The following PPP3CA variants were observed in gnomAD, a reference collection of about 807,000 sequenced individuals.
PPP3CA encodes the protein protein phosphatase 3 catalytic subunit alpha, also known as CAM-PRP catalytic subunit.
In PPP3CA, 14 loss-of-function variants were observed where a neutral mutation model predicts 66.5. That is an observed-to-expected ratio of 0.21 (90% CI 0.14 to 0.33). PPP3CA has a LOEUF of 0.33. Among genes scored for constraint, PPP3CA ranks in the 10% least tolerant of loss-of-function variants. PPP3CA has a pLI of 1.00. For synonymous variants in PPP3CA, 232 were observed against 226.2 expected (o/e 1.03, Z -0.23); for missense variants, 317 against 639.5 (o/e 0.50, Z 5.44).
intron 1 of PPP3CA, among the ~76,000 whole-genome samples, chr4:101,346,196 AG>A (rs1302493831): frequency 6.7e-6 from 1 of 150,350 alleles, no homozygotes; most frequent in Admixed American, 6.6e-5. Context: ...GGGGAGGGGG[AG>A]GGGGAGGGGG....
chr4:101,173,371 T>C (rs1417244115), intron 2 of PPP3CA, among the ~76,000 whole-genome samples: 1 of 150,468 alleles, frequency 6.6e-6, no homozygotes, highest in African/African-American at 2.5e-5. Context: ...ATTTGAGTGC[T>C]AAGGAAAAAA....
At chr4:101,345,225 T>C (rs949128840) in intron 1 of PPP3CA, among the ~76,000 whole-genome samples, 1 of 152,164 alleles carries the variant, frequency 6.6e-6, no homozygotes, top group Non-Finnish European at 1.5e-5. Flanking sequence ...TATTTTGTTC[T>C]TTCTGAAAAA....
intron 2 of PPP3CA, among the ~76,000 whole-genome samples, chr4:101,172,324 T>A (rs991041020): frequency 2.6e-5 from 4 of 152,190 alleles, no homozygotes; most frequent in Admixed American, 1.3e-4. Context: ...ATTACTGGCT[T>A]CAGCTATTTC....
chr4:101,035,034 G>A (rs974402250), intron 11 of PPP3CA, among the ~76,000 whole-genome samples: 1 of 152,164 alleles, frequency 6.6e-6, no homozygotes, highest in South Asian at 2.1e-4. Flanking sequence ...GGGAGGCAGA[G>A]GTGGGCAGAT....
chr4:101,272,739 AG>A (rs1727373711), intron 1 of PPP3CA, among the ~76,000 whole-genome samples: 1 of 152,230 alleles, frequency 6.6e-6, no homozygotes, highest in Admixed American at 6.5e-5. Context: ...GCACAGAGTA[AG>A]GAAGTGTTTA....
chr4:101,149,836 T>G (rs1723082092), intron 2 of PPP3CA, among the ~76,000 whole-genome samples: 1 of 152,180 alleles, frequency 6.6e-6, no homozygotes, highest in South Asian at 2.1e-4. Flanking sequence ...ATTGACAGTC[T>G]GCAATGAGCA....
intron 5 of PPP3CA, among the ~76,000 whole-genome samples, chr4:101,095,148 T>C (rs952473549): frequency 1.2e-4 from 19 of 152,160 alleles, no homozygotes; most frequent in Admixed American, 2.0e-4. Flanking sequence ...AAAATATTCA[T>C]TGCAAACTTA....
intron 2 of PPP3CA, among the ~76,000 whole-genome samples, chr4:101,136,312 G>A (rs188919308): frequency 1.3e-5 from 2 of 152,190 alleles, no homozygotes; most frequent in African/African-American, 4.8e-5. Context: ...AGGCTGAGGT[G>A]GGTAGATCAC....
At chr4:101,315,052 T>G (rs770952844) in intron 1 of PPP3CA, among the ~76,000 whole-genome samples, 16 of 152,208 alleles carry the variant, frequency 1.1e-4, no homozygotes, top group Non-Finnish European at 2.1e-4. Context: ...ATGTTGAAAC[T>G]TAATACTCAA....
At chr4:101,128,288 A>C (rs1722311371) in intron 2 of PPP3CA, among the ~76,000 whole-genome samples, 1 of 152,192 alleles carries the variant, frequency 6.6e-6, no homozygotes, top group Non-Finnish European at 1.5e-5. Flanking sequence ...TCCCAACACA[A>C]AGAAATGATA....
At chr4:101,190,456 CG>C (rs1178752823) in intron 2 of PPP3CA, among the ~76,000 whole-genome samples, 67 of 152,100 alleles carry the variant, frequency 4.4e-4, no homozygotes, top group African/African-American at 1.4e-3. Context: ...GTAACCATGA[CG>C]TAATTGTAAT....
At chr4:101,034,992 A>G (rs1009173440) in intron 11 of PPP3CA, among the ~76,000 whole-genome samples, 2 of 152,282 alleles carry the variant, frequency 1.3e-5, no homozygotes, top group East Asian at 3.9e-4. Flanking sequence ...CAGGCTGGGC[A>G]CCGTGGCTCA....
intron 2 of PPP3CA, among the ~76,000 whole-genome samples, chr4:101,184,128 C>A (rs1048209661): frequency 6.6e-6 from 1 of 152,164 alleles, no homozygotes; most frequent in Non-Finnish European, 1.5e-5. Flanking sequence ...ACAGAGCTAA[C>A]ACCACAGGAT....
chr4:101,049,325 CT>C (rs1727908823), intron 10 of PPP3CA, among the ~76,000 whole-genome samples: 1 of 152,044 alleles, frequency 6.6e-6, no homozygotes. Context: ...ACATATTCAG[CT>C]CATGCCTTAC....
intron 2 of PPP3CA, 56 bp from the exon 3 acceptor site, chr4:101,109,134 T>A (rs1721559612): frequency 1.3e-6 from 2 of 1,493,860 alleles, no homozygotes; most frequent in Admixed American, 3.9e-5. Context: ...TTGAATTAAA[T>A]AATAAAATTA....
At chr4:101,336,299 A>C (rs1729632598) in intron 1 of PPP3CA, among the ~76,000 whole-genome samples, 1 of 147,032 alleles carries the variant, frequency 6.8e-6, no homozygotes, top group Non-Finnish European at 1.5e-5. Context: ...GGCCGGCCGC[A>C]GTGGCTCACG....
In PPP3CA at chr4:101,138,231, G is replaced by A. The variant is rs74888603; in HGVS notation, c.260-29153C>T. Among the ~76,000 whole-genome samples the A allele has an allele frequency of 3.4e-3, 522 of 152,314 alleles. 24 individuals carry two copies. The East Asian group carries it at 0.09, about 26-fold the overall frequency. ...ATCCCTTTGGAGAAATGGTTGGAAT[G>A]GTTATGGGCTTGAGCTTTGATATTT... is the stretch of plus-strand genomic sequence containing the variant. On this transcript the variant is annotated intron_variant, in intron 2 of 13. Transcript: ENST00000394854.
At chr4:101,224,484 T>C (rs1484074258) in intron 1 of PPP3CA, among the ~76,000 whole-genome samples, 2 of 151,816 alleles carry the variant, frequency 1.3e-5, no homozygotes, top group African/African-American at 4.8e-5. Context: ...AAGCTATTAC[T>C]TCTACAATAG....
Position 101,113,540 on chromosome 4 carries a change from A to G in PPP3CA, c.260-4462T>C, listed in dbSNP as rs146245691. On this transcript the variant is annotated intron_variant, in intron 2 of 13. Coordinates refer to ENST00000394854, the MANE Select transcript of PPP3CA (RefSeq NM_000944.5). The stretch of plus-strand genomic sequence containing the variant: ...TCTAGGAAGGAGGGATGAACCTAAG[A>G]AGGCTGATAACACCACATGTCTTTG... Among the ~76,000 whole-genome samples the G allele has an allele frequency of 6.2e-3, 943 of 152,212 alleles. 3 individuals carry two copies. Among genetic ancestry groups the G allele is most frequent in the Middle Eastern group, 0.014 (4 of 294 alleles).
Sources: allele counts gnomAD v4.1 joint callset (sites outside exome capture counted in the v4.1 genomes callset), GRCh38; gene constraint gnomAD v4.1.1; transcripts MANE v1.5; gene names NCBI Gene and HGNC (gene_info 2026-07-23, HGNC 2026-07-21).